ACLY: variants seen among roughly 807,000 people sequenced by gnomAD.
The protein encoded by ACLY is ATP citrate lyase.
A neutral mutation model predicts 133.0 loss-of-function variants in ACLY; 41 were observed. The observed-to-expected ratio is 0.31, with a 90% confidence interval of 0.24 to 0.40. The LOEUF (loss-of-function observed/expected upper bound fraction) is 0.40, where lower values mean the gene tolerates loss of function less well. ACLY is among the 10% of genes least tolerant of loss of function. The pLI is 1.00. For missense variants in ACLY, 1,046 were observed against 1,453.8 expected, an observed-to-expected ratio of 0.72 and a Z score of 4.56; for synonymous variants, 495 against 549.3, an observed-to-expected ratio of 0.90 and a Z score of 1.38.
chr17:41,900,069 C>CAA (rs60296550), intron 11 of ACLY, among the ~76,000 whole-genome samples: 24,679 of 46,238 alleles, frequency 0.53, 9,783 homozygotes, highest in Non-Finnish European at 0.68. Context: ...ACCCTGTCTC[C>CAA]AAAAAAAAAA....
intron 2 of ACLY, 40 bp from the exon 3 acceptor site, chr17:41,912,582 T>G (rs1555633857): frequency 6.2e-7 from 1 of 1,612,780 alleles, no homozygotes; most frequent in Non-Finnish European, 8.5e-7. Flanking sequence ...GAGGAAGAAT[T>G]AGATAAACCG....
At chr17:41,897,899 T>G in intron 12 of ACLY, 60 bp from the exon 13 acceptor site, 1 of 1,493,502 alleles carries the variant, frequency 6.7e-7, no homozygotes, top group Non-Finnish European at 9.1e-7. Flanking sequence ...AAAAAGCCAC[T>G]GGTCCTTAAA....
At chr17:41,871,877 C>A (rs2048606636) in intron 24 of ACLY, 45 bp from the exon 25 acceptor site, 1 of 1,609,586 alleles carries the variant, frequency 6.2e-7, no homozygotes, top group Non-Finnish European at 8.5e-7. Flanking sequence ...TTAAGAGTTT[C>A]CTTCAGCTGG....
At chr17:41,912,133 C>G (rs1421494839) in intron 3 of ACLY, among the ~76,000 whole-genome samples, 1 of 151,108 alleles carries the variant, frequency 6.6e-6, no homozygotes, top group Non-Finnish European at 1.5e-5. Context: ...AAAAAAGAAT[C>G]AGACCATTTC....
intron 1 of ACLY, among the ~76,000 whole-genome samples, chr17:41,915,229 G>A (rs1443856565): frequency 2.0e-5 from 3 of 152,316 alleles, no homozygotes; most frequent in Middle Eastern, 6.8e-3. Context: ...GGACTGAGCT[G>A]GGGAGGGGAA....
intron 17 of ACLY, among the ~76,000 whole-genome samples, chr17:41,886,773 C>T (rs943923566): frequency 1.3e-5 from 2 of 151,920 alleles, no homozygotes; most frequent in Non-Finnish European, 2.9e-5. Flanking sequence ...AAAGCCACTG[C>T]ACTCCAGCAA....
At chr17:41,877,917 TA>T (rs2048805427) in intron 22 of ACLY, among the ~76,000 whole-genome samples, 185 bp downstream of exon 22, 1 of 152,158 alleles carries the variant, frequency 6.6e-6, no homozygotes, top group Non-Finnish European at 1.5e-5. Context: ...TGTGATCATG[TA>T]AGTTAATACT....
At chr17:41,869,287 T>C (rs1424079952) in intron 26 of ACLY, among the ~76,000 whole-genome samples, 162 bp from the exon 27 acceptor site, 1 of 152,244 alleles carries the variant, frequency 6.6e-6, no homozygotes, top group Admixed American at 6.5e-5. Flanking sequence ...ATTCCCAGCA[T>C]CTAGCAAAGT....
At chr17:41,919,081 T>A (rs1748466176), upstream of ACLY, 3 of 1,219,908 alleles carry the variant, frequency 2.5e-6, no homozygotes, top group South Asian at 4.1e-5. Flanking sequence ...CCAGGGCTCC[T>A]CCCAATTCGC....
chr17:41,909,882 G>A (rs2049846364), intron 4 of ACLY, among the ~76,000 whole-genome samples, 182 bp from the exon 5 acceptor site: 1 of 152,196 alleles, frequency 6.6e-6, no homozygotes, highest in South Asian at 2.1e-4. Flanking sequence ...TTTTCCCCGA[G>A]GACAAGAGGA....
chr17:41,926,324 G>A (rs1159320979), intron 1 of ACLY, among the ~76,000 whole-genome samples: 1 of 152,150 alleles, frequency 6.6e-6, no homozygotes, highest in Non-Finnish European at 1.5e-5. Flanking sequence ...TCCTTGTGCT[G>A]TAGCCTGGAG....
intron 9 of ACLY, 59 bp from the exon 10 acceptor site, chr17:41,904,849 C>G: frequency 6.6e-7 from 1 of 1,516,192 alleles, no homozygotes; most frequent in Non-Finnish European, 9.1e-7. Context: ...GAGCATCTTC[C>G]CAGCAATCCA....
intron 14 of ACLY, among the ~76,000 whole-genome samples, chr17:41,894,448 C>A (rs2049306942): frequency 1.4e-5 from 2 of 147,400 alleles, no homozygotes; most frequent in Non-Finnish European, 3.0e-5. Context: ...TCTAGGTGGG[C>A]ATAGTGGTGC....
rs1221293285 is a variant in ACLY, at chr17:41,886,383, A to G, written c.1876-75T>C. The G allele has an allele frequency of 1.6e-5, 23 of 1,430,302 alleles. No homozygotes were observed. The African/African-American group carries it at 2.3e-4, about 14-fold the overall frequency. 88.6% of individuals were successfully genotyped at this position (1,430,302 alleles called of 1,614,324 possible). On this transcript the variant is annotated intron_variant, in intron 17 of 28. Coordinates refer to ENST00000352035, the MANE Select transcript of ACLY (RefSeq NM_001096.3). ...CCACAAAGAATCACAAAGCCCCTGC[A>G]TTACTGCCCAGCCCCTTCTGGCCAG... is the stretch of plus-strand genomic sequence containing the variant.
chr17:41,896,624 C>A lies in ACLY; in HGVS notation c.1455G>T (p.Leu485=). ...GGCAGGGTGGGGGCATCCTACCTTG[C>A]AGGGATCTTGGACTTGGGACTGAAT... ...PQDSVPSPRS[L]QGKSTTLFSR... Residue 485 remains leucine (L), a synonymous_variant, in exon 14 of 29, where the codon CTG becomes CTT. Transcript: ENST00000352035. The A allele has an allele frequency of 6.4e-7, 1 of 1,568,502 alleles. No individual in the cohort carries two copies. The highest frequency in any genetic ancestry group is 8.6e-7 in the Non-Finnish European group (1 of 1,156,494).
rs571875646 is a variant in ACLY at position 41,909,074 on chromosome 17, G to T, written c.537-6C>A. The T allele has an allele frequency of 8.7e-6, 14 of 1,609,340 alleles. No individual in the cohort carries two copies. In the South Asian group the frequency reaches 1.4e-4, roughly 17 times the overall value. On this transcript the variant is annotated splice_region_variant and splice_polypyrimidine_tract_variant and intron_variant, in intron 5 of 28. Coordinates refer to ENST00000352035, the MANE Select transcript of ACLY (RefSeq NM_001096.3). The stretch of plus-strand genomic sequence containing the variant: ...AGATAAAACTGGCCAGAATTCTAGA[G>T]GTGGGAGGGAGAGAGGGACAGTTCA...
At chr17:41,880,022 G>C (rs1256132076) in intron 20 of ACLY, among the ~76,000 whole-genome samples, 1 of 152,134 alleles carries the variant, frequency 6.6e-6, no homozygotes, top group Non-Finnish European at 1.5e-5. Context: ...GAGCCAGCGC[G>C]CCCAGCGTGA....
intron 14 of ACLY, among the ~76,000 whole-genome samples, chr17:41,895,395 T>C (rs141175027): frequency 1.3e-5 from 2 of 152,230 alleles, no homozygotes; most frequent in East Asian, 3.9e-4. Context: ...GGAGGTAAAG[T>C]GGCCCTTCCT....
chr17:41,889,435 C>G (rs531098064), intron 16 of ACLY, among the ~76,000 whole-genome samples: 1 of 144,738 alleles, frequency 6.9e-6, no homozygotes, highest in African/African-American at 2.6e-5. Flanking sequence ...AGGAGAATTG[C>G]TTGAACCCGG....
Sources: gnomAD v4.1 joint callset for allele counts (sites outside exome capture counted in the v4.1 genomes callset) on GRCh38, gnomAD v4.1.1 for gene constraint, MANE v1.5 for transcripts, NCBI Gene and HGNC (gene_info 2026-07-23, HGNC 2026-07-21) for gene names.